CTXND1: variants seen among roughly 807,000 people sequenced by gnomAD.
CTXND1 encodes the protein cortexin domain-containing 1 protein.
intron 1 of CTXND1, among the ~76,000 whole-genome samples, chr15:80,217,813 T>C (rs1893270376): frequency 6.6e-6 from 1 of 152,110 alleles, no homozygotes. Flanking sequence ...TCCCAAAGTG[T>C]TGGGATTACA....
chr15:80,228,693 G>A (rs923031496), intron 1 of CTXND1, among the ~76,000 whole-genome samples: 8 of 148,154 alleles, frequency 5.4e-5, no homozygotes, highest in South Asian at 2.1e-4. Flanking sequence ...GCAGTGGTGC[G>A]ATCTTGGCTC....
chr15:80,220,126 CT>C (rs777915493), intron 1 of CTXND1, among the ~76,000 whole-genome samples: 1 of 112,416 alleles, frequency 8.9e-6, no homozygotes, highest in Non-Finnish European at 1.9e-5. Flanking sequence ...ATCTATCTAT[CT>C]ATCTATCTAT....
chr15:80,240,051 C>T (rs553403217), intron 1 of CTXND1, among the ~76,000 whole-genome samples: 12 of 152,182 alleles, frequency 7.9e-5, no homozygotes, highest in East Asian at 1.9e-4. Flanking sequence ...CCGCAACCTC[C>T]GTCTCCCAGG....
At position 80,201,660 on chromosome 15, in the gene CTXND1, G is replaced by C. The variant is rs376358797; in HGVS notation, c.*110C>G. 25 of 396,700 alleles carry C rather than the reference G, an allele frequency of 6.3e-5. No individual in the cohort carries two copies. The East Asian group carries it at 8.6e-4, about 14-fold the overall frequency. 24.6% of individuals were successfully genotyped at this position (396,700 alleles called of 1,614,324 possible). The stretch of plus-strand genomic sequence containing the variant: ...CACCTTCTGTTTCCCTGGGTGGCCA[G>C]ATTCATTCCTTGCCTCTGTGGGATG... On this transcript the variant is annotated 3_prime_UTR_variant, in exon 3 of 3. Coordinates refer to ENST00000560778, the MANE Select transcript of CTXND1 (RefSeq NM_001352888.2).
intron 1 of CTXND1, among the ~76,000 whole-genome samples, chr15:80,211,000 T>A (rs1893198075): frequency 6.6e-6 from 1 of 152,198 alleles, no homozygotes. Context: ...AGCCCTATCT[T>A]CAGATACAGT....
intron 1 of CTXND1, among the ~76,000 whole-genome samples, chr15:80,216,341 C>G (rs1893252987): frequency 6.6e-6 from 1 of 152,164 alleles, no homozygotes; most frequent in East Asian, 1.9e-4. Flanking sequence ...GAAGGGTAAA[C>G]TGACATACGC....
intron 1 of CTXND1, among the ~76,000 whole-genome samples, chr15:80,227,886 T>C (rs1249499278): frequency 6.6e-6 from 1 of 152,236 alleles, no homozygotes; most frequent in Non-Finnish European, 1.5e-5. Context: ...ATCAATGGAC[T>C]CTTCCTCTTA....
In CTXND1 at chr15:80,201,512, G is replaced by A. The variant is rs931641226; in HGVS notation, c.*258C>T. ...CATCTCACAGGGACTCCCCACACTG[G>A]AACCCCAGCCTCCTGGGTCCTGGTC... On this transcript the variant is annotated 3_prime_UTR_variant, in exon 3 of 3. Coordinates refer to ENST00000560778, the MANE Select transcript of CTXND1 (RefSeq NM_001352888.2). 1.2e-5 allele frequency: 4 copies of A among 347,174 alleles called. No homozygotes were observed. The highest frequency in any genetic ancestry group is 2.1e-5 in the Non-Finnish European group (4 of 193,708). The allele number at this position is 347,174 out of a possible 1,614,324, so 21.5% of individuals were successfully genotyped here.
At chr15:80,237,112 G>T (rs1326371578) in intron 1 of CTXND1, among the ~76,000 whole-genome samples, 5 of 152,124 alleles carry the variant, frequency 3.3e-5, no homozygotes, top group Non-Finnish European at 5.9e-5. Flanking sequence ...AAGGATGGCA[G>T]ATCACGAGAT....
rs1264428159 is a variant in CTXND1 at position 80,252,139 on chromosome 15, C to A, written c.-350G>T. The A allele has an allele frequency of 1.3e-5, 2 of 151,598 alleles. No individual in the cohort carries two copies. The highest frequency in any genetic ancestry group is 3.9e-4 in the East Asian group (2 of 5,134). 9.4% of individuals were successfully genotyped at this position (151,598 alleles called of 1,614,324 possible). ...GCTCGCGGGGCGCGGGGGGCGCTGC[C>A]CAGGCCCGGCTCGGCAGGAGTCAGA... On this transcript the variant is annotated 5_prime_UTR_variant, in exon 1 of 3. Coordinates refer to ENST00000560778, the MANE Select transcript of CTXND1 (RefSeq NM_001352888.2).
intron 1 of CTXND1, among the ~76,000 whole-genome samples, chr15:80,223,322 G>T (rs1360022371): frequency 6.6e-6 from 1 of 152,190 alleles, no homozygotes; most frequent in African/African-American, 2.4e-5. Flanking sequence ...CTCCCAAAGT[G>T]TTGGGATTAT....
chr15:80,219,940 C>A (rs1893294057), intron 1 of CTXND1, among the ~76,000 whole-genome samples: 1 of 152,166 alleles, frequency 6.6e-6, no homozygotes, highest in African/African-American at 2.4e-5. Context: ...TCCCTCCCGC[C>A]CCGCAATCTG....
rs16971862 is a variant in CTXND1, at chr15:80,231,882, C to G, written c.-218+20125G>C. 0.026 allele frequency among the ~76,000 whole-genome samples: 3,919 copies of G among 152,232 alleles called. 351 individuals carry two copies. In the East Asian group the frequency reaches 0.28, roughly 11 times the overall value. On this transcript the variant is annotated intron_variant, in intron 1 of 2. Transcript: ENST00000560778. ...AATTTATGTTTTGGAAGAGGTTTTTCCATTCACGGTATTGTTTAAGCATGA... is the reference window on the plus strand; with the variant it reads ...AATTTATGTTTTGGAAGAGGTTTTTGCATTCACGGTATTGTTTAAGCATGA...
intron 1 of CTXND1, among the ~76,000 whole-genome samples, chr15:80,211,782 A>G (rs1339583084): frequency 6.6e-6 from 1 of 152,228 alleles, no homozygotes; most frequent in African/African-American, 2.4e-5. Flanking sequence ...TTATTACTTC[A>G]TAATTCTAAG....
At chr15:80,231,228 G>A (rs944233752) in intron 1 of CTXND1, among the ~76,000 whole-genome samples, 10 of 151,554 alleles carry the variant, frequency 6.6e-5, no homozygotes, top group African/African-American at 1.9e-4. Context: ...TCTTTAAGAT[G>A]GCTCAGTCCT....
chr15:80,200,700 G>A lies in CTXND1; in HGVS notation c.*1070C>T, dbSNP rs2041444575. The stretch of plus-strand genomic sequence containing the variant: ...TGAGGAAACTGAGGCGCTGGGAGGT[G>A]AAGTGACTTGCTCAAGGTCGCATTG... On this transcript the variant is annotated 3_prime_UTR_variant, in exon 3 of 3. Transcript: ENST00000560778. 1 of 152,270 alleles carries A rather than the reference G, an allele frequency of 6.6e-6. No individual in the cohort carries two copies. The highest frequency in any genetic ancestry group is 2.1e-4 in the South Asian group (1 of 4,828). 9.4% of individuals were successfully genotyped at this position (152,270 alleles called of 1,614,324 possible). A position where few individuals can be genotyped will look rare whatever the true frequency, so the allele number is the denominator to read the frequency against.
At chr15:80,236,077 A>AG (rs1196714235) in intron 1 of CTXND1, among the ~76,000 whole-genome samples, 1 of 149,678 alleles carries the variant, frequency 6.7e-6, no homozygotes, top group Non-Finnish European at 1.5e-5. Flanking sequence ...TTGATGGAAC[A>AG]GGGTGGGGAA....
At chr15:80,211,538 G>C (rs558366394) in intron 1 of CTXND1, among the ~76,000 whole-genome samples, 1 of 152,270 alleles carries the variant, frequency 6.6e-6, no homozygotes, top group African/African-American at 2.4e-5. Flanking sequence ...CAATTAACAG[G>C]CCTGTCAGGG....
intron 1 of CTXND1, among the ~76,000 whole-genome samples, chr15:80,238,366 T>G (rs768480662): frequency 3.3e-5 from 5 of 152,184 alleles, no homozygotes; most frequent in Non-Finnish European, 7.3e-5. Context: ...TGTCATATGA[T>G]TTTTATGTGT....
Sources: gnomAD v4.1 joint callset for allele counts (sites outside exome capture counted in the v4.1 genomes callset) on GRCh38, gnomAD v4.1.1 for gene constraint, MANE v1.5 for transcripts, NCBI Gene and HGNC (gene_info 2026-07-23, HGNC 2026-07-21) for gene names.